Variants in FAT3 observed in about 807,000 individuals in gnomAD.
FAT3 encodes FAT atypical cadherin 3, also known as protocadherin Fat 3.
FAT3 carries 95 observed loss-of-function variants against 310.2 expected under a neutral mutation model. The observed-to-expected ratio is 0.31, with a 90% CI of 0.26 to 0.36. FAT3 has a LOEUF of 0.36. Among genes scored for constraint, FAT3 ranks in the 10% least tolerant of loss-of-function variants. The probability of loss-of-function intolerance (pLI) is 1.00; values close to 1 mark genes in which losing one functional copy is unlikely to be tolerated. For missense variants in FAT3, 5,408 were observed against 5,715.6 expected (o/e 0.95, Z 1.74); for synonymous variants, 2,314 against 2,192.9 (o/e 1.06, Z -1.54).
chr11:92,656,804 A>T (rs1003719512), intron 3 of FAT3, among the ~76,000 whole-genome samples: 7 of 152,196 alleles, frequency 4.6e-5, no homozygotes, highest in African/African-American at 1.7e-4. Context: ...CATTTTATTG[A>T]TGGAAGAACT....
intron 2 of FAT3, among the ~76,000 whole-genome samples, chr11:92,511,445 C>G (rs752621027): frequency 6.8e-4 from 104 of 152,042 alleles, no homozygotes; most frequent in Non-Finnish European, 1.3e-3. Context: ...GACATTCCAA[C>G]TTGGCTAAAT....
intron 6 of FAT3, among the ~76,000 whole-genome samples, chr11:92,768,632 T>G (rs11020056): frequency 0.013 from 1,998 of 152,304 alleles, 49 homozygotes; most frequent in African/African-American, 0.045. Context: ...TCTGTTCCCT[T>G]CCTCCTTACG....
At chr11:92,824,278 A>C (rs1052371634) in intron 13 of FAT3, among the ~76,000 whole-genome samples, 2 of 151,938 alleles carry the variant, frequency 1.3e-5, no homozygotes, top group African/African-American at 4.8e-5. Flanking sequence ...AAACGCTTGA[A>C]CCCAGGAGGC....
In FAT3 at chr11:92,792,851, T is replaced by C. The variant is rs1947072409; in HGVS notation, c.4696T>C (p.Phe1566Leu). Residue 1566 changes from phenylalanine to leucine, a missense_variant, in exon 9 of 28, where the codon TTT becomes CTT. By Grantham distance (22) the Phe-to-Leu change is conservative. Coordinates refer to ENST00000525166, the MANE Select transcript of FAT3 (RefSeq NM_001367949.2). ...GGATGCTAATGATCACAGTCCTTAT[T>C]TTACCAACCCACTGTATGAAGCGTC... is the stretch of plus-strand genomic sequence containing the variant. ...VEDANDHSPYFTNPLYEASVF... is the reference protein window; with the variant it reads ...VEDANDHSPYLTNPLYEASVF... 2 of 1,613,750 alleles carry C rather than the reference T, an allele frequency of 1.2e-6. No homozygotes were observed. Among genetic ancestry groups the C allele is most frequent in the South Asian group, 2.2e-5 (2 of 91,088 alleles).
At chr11:92,830,231 T>C (rs1213230003) in intron 13 of FAT3, among the ~76,000 whole-genome samples, 2 of 152,244 alleles carry the variant, frequency 1.3e-5, no homozygotes, top group African/African-American at 4.8e-5. Context: ...TAAACTGTTT[T>C]GAAGTGCTGA....
At chr11:92,723,737 G>A (rs1340986695) in intron 4 of FAT3, among the ~76,000 whole-genome samples, 2 of 152,176 alleles carry the variant, frequency 1.3e-5, no homozygotes, top group Admixed American at 1.3e-4. Context: ...TGGCAGACAA[G>A]AGAAGGGAGC....
intron 3 of FAT3, among the ~76,000 whole-genome samples, chr11:92,634,717 A>G (rs1941690776): frequency 6.6e-6 from 1 of 152,196 alleles, no homozygotes; most frequent in Non-Finnish European, 1.5e-5. Flanking sequence ...TCAGGAATCA[A>G]TGAGCACTGT....
In FAT3 at chr11:92,353,450, G is replaced by A. The variant is rs1456512802; in HGVS notation, c.1338G>A (p.Glu446=). The A allele has an allele frequency of 6.2e-7, 1 of 1,613,500 alleles. No homozygotes were observed. Among genetic ancestry groups the A allele is most frequent in the South Asian group, 1.1e-5 (1 of 91,022 alleles). The part of the protein sequence containing the change: ...NTVKKEVYKL[E]VTNKEGDLKA... ...TTAAGAAGGAGGTTTATAAACTGGA[G>A]GTGACAAACAAGGAAGGAGATTTAA... Residue 446 remains glutamate (E), a synonymous_variant, in exon 2 of 28, where the codon GAG becomes GAA. Transcript: ENST00000525166.
At chr11:92,776,466 G>GC (rs1207855009) in intron 7 of FAT3, among the ~76,000 whole-genome samples, 2 of 152,158 alleles carry the variant, frequency 1.3e-5, no homozygotes, top group African/African-American at 4.8e-5. Context: ...GCTAGGAGCA[G>GC]TTCTAGATGC....
Position 92,794,381 on chromosome 11 carries a change from A to G in FAT3, c.4822+1404A>G, listed in dbSNP as rs540613380. 2.6e-4 allele frequency among the ~76,000 whole-genome samples: 39 copies of G among 152,202 alleles called. 1 individual carries two copies. The South Asian group carries it at 8.1e-3, about 32-fold the overall frequency. ...TCCCCGTATTCATTCATGCATATAC[A>G]TTGTTTCATGTCACTGTAATTATTT... On this transcript the variant is annotated intron_variant, in intron 9 of 27. Transcript: ENST00000525166.
At position 92,251,957 on chromosome 11, in the gene FAT3, T is replaced by C. The variant is rs141563737; in HGVS notation, c.-18+26783T>C. Among the ~76,000 whole-genome samples, 72 of 152,288 alleles carry C rather than the reference T, an allele frequency of 4.7e-4. 1 individual carries two copies. The highest frequency in any genetic ancestry group is 1.6e-3 in the African/African-American group (66 of 41,566). On this transcript the variant is annotated intron_variant, in intron 1 of 27. Coordinates refer to ENST00000525166, the MANE Select transcript of FAT3 (RefSeq NM_001367949.2). The stretch of plus-strand genomic sequence containing the variant: ...TGCTATTAGTATGCTTGGGAAACCA[T>C]ATCTTTTCTTCTATTTTGCTTTAAC...
intron 1 of FAT3, among the ~76,000 whole-genome samples, chr11:92,263,648 T>G (rs538432746): frequency 7.1e-4 from 105 of 147,404 alleles, no homozygotes; most frequent in Admixed American, 9.4e-4. Context: ...TATATATATA[T>G]ATATATAGAG....
chr11:92,470,538 T>C (rs2135147756), intron 2 of FAT3, among the ~76,000 whole-genome samples: 1 of 152,334 alleles, frequency 6.6e-6, no homozygotes, highest in East Asian at 1.9e-4. Context: ...TGATCTTAAT[T>C]GTCTCATCTG....
intron 2 of FAT3, among the ~76,000 whole-genome samples, chr11:92,414,327 A>G (rs1366511493): frequency 1.3e-5 from 2 of 152,182 alleles, no homozygotes; most frequent in Non-Finnish European, 2.9e-5. Flanking sequence ...CTAGAGAACA[A>G]TTGACAGTTT....
chr11:92,396,628 A>G (rs1949875936), intron 2 of FAT3, among the ~76,000 whole-genome samples: 1 of 152,206 alleles, frequency 6.6e-6, no homozygotes, highest in Non-Finnish European at 1.5e-5. Flanking sequence ...GAAGTCAGCC[A>G]TGGTGGGTCT....
At chr11:92,888,754 G>A (rs1242335399) in intron 25 of FAT3, among the ~76,000 whole-genome samples, 1 of 152,138 alleles carries the variant, frequency 6.6e-6, no homozygotes, top group Non-Finnish European at 1.5e-5. Context: ...CTCTATCACT[G>A]GCATTTGGTT....
intron 1 of FAT3, among the ~76,000 whole-genome samples, chr11:92,275,847 G>C (rs142571756): frequency 2.6e-5 from 4 of 152,060 alleles, no homozygotes; most frequent in African/African-American, 9.6e-5. Context: ...CAGTTTTCTA[G>C]CAACTCTCCT....
At position 92,800,727 on chromosome 11, in the gene FAT3, G is replaced by C. The variant is rs1277716361; in HGVS notation, c.7714G>C (p.Val2572Leu). 6.2e-7 allele frequency: 1 copy of C among 1,613,914 alleles called. No individual in the cohort carries two copies. Among genetic ancestry groups the C allele is most frequent in the Non-Finnish European group, 8.5e-7 (1 of 1,179,868 alleles). ...TCTAGAAGGGGATGTTAGTATTTTT[G>C]TGAGGGCCCTTGATGGTGGAGGGAG... ...NPLEGDVSIF[V>L]RALDGGGRTT... The change falls in exon 10 of 28, where the codon GTG (valine) becomes CTG (leucine). Residue 2572 changes from valine (V) to leucine (L), a missense_variant. Coordinates refer to ENST00000525166, the MANE Select transcript of FAT3 (RefSeq NM_001367949.2).
At position 92,352,694 on chromosome 11, in the gene FAT3, C is replaced by T. The variant is rs1293108841; in HGVS notation, c.582C>T (p.Tyr194=). 5 of 1,613,674 alleles carry T rather than the reference C, an allele frequency of 3.1e-6. No individual in the cohort carries two copies. In the African/African-American group the frequency reaches 5.3e-5, roughly 17 times the overall value. Residue 194 remains tyrosine (Y), a synonymous_variant, in exon 2 of 28, where the codon TAC becomes TAT. Transcript: ENST00000525166. ...ATATTGGTTCCAATGGAGAATTCTA[C>T]TACTACTTTAAAAATAAAGTTGATC... ...DADIGSNGEF[Y]YYFKNKVDLF...
Sources: allele counts gnomAD v4.1 joint callset (sites outside exome capture counted in the v4.1 genomes callset), GRCh38; gene constraint gnomAD v4.1.1; transcripts MANE v1.5; gene names NCBI Gene and HGNC (gene_info 2026-07-23, HGNC 2026-07-21).